Variants in ADSL observed in about 807,000 individuals in gnomAD.
The protein encoded by ADSL is adenylosuccinase.
ADSL carries 44 observed loss-of-function variants against 62.1 expected under a neutral mutation model. That is an observed-to-expected ratio of 0.71 (90% CI 0.56 to 0.91). ADSL has a LOEUF of 0.91. Among genes scored for constraint, ADSL ranks in the 40% least tolerant of loss-of-function variants. The probability of loss-of-function intolerance (pLI) is 0.00; values close to 1 mark genes in which losing one functional copy is unlikely to be tolerated. For missense variants in ADSL, 531 were observed against 627.4 expected (o/e 0.85, Z 1.64); for synonymous variants, 198 against 220.5 (o/e 0.90, Z 0.90).
At chr22:40,386,467 G>T (rs1306266905) in intron 2 of ADSL, among the ~76,000 whole-genome samples, 1 of 148,974 alleles carries the variant, frequency 6.7e-6, no homozygotes, top group Non-Finnish European at 1.5e-5. Flanking sequence ...CCAAGTTTTT[G>T]ATTCAGTTTC....
intron 2 of ADSL, among the ~76,000 whole-genome samples, chr22:40,386,008 T>A (rs1174361781): frequency 1.3e-5 from 2 of 151,188 alleles, no homozygotes; most frequent in Admixed American, 6.6e-5. Flanking sequence ...CACGCCACCA[T>A]GCCCGGCTAA....
chr22:40,353,379 G>T (rs1259107391), intron 3 of ADSL: 1 of 702,178 alleles, frequency 1.4e-6, no homozygotes, highest in Non-Finnish European at 2.6e-6. Flanking sequence ...TGCAACCTCC[G>T]CCTCCCAGGC....
intron 2 of ADSL, among the ~76,000 whole-genome samples, chr22:40,351,635 C>T (rs971294682): frequency 6.6e-6 from 1 of 152,058 alleles, no homozygotes; most frequent in African/African-American, 2.4e-5. Context: ...AGAGTATACC[C>T]ATGGAGGTTG....
At chr22:40,355,134 T>G (rs2044503654) in intron 4 of ADSL, among the ~76,000 whole-genome samples, 1 of 152,162 alleles carries the variant, frequency 6.6e-6, no homozygotes, top group Non-Finnish European at 1.5e-5. Context: ...TTTCTACTTT[T>G]TGAGTTTTGT....
chr22:40,370,163 A>G (rs1386262852), downstream of ADSL, among the ~76,000 whole-genome samples: 2 of 152,024 alleles, frequency 1.3e-5, no homozygotes, highest in African/African-American at 4.8e-5. Flanking sequence ...AACATGGTGA[A>G]ACCCCGTCTC....
At chr22:40,361,732 CCTT>C (rs1413084494) in intron 9 of ADSL, 97 bp downstream of exon 9, 2 of 1,497,236 alleles carry the variant, frequency 1.3e-6, no homozygotes, top group East Asian at 4.6e-5. Flanking sequence ...TCTACAGTCT[CCTT>C]ATCCCCAAGG....
chr22:40,385,866 T>A (rs2048329861), intron 2 of ADSL, among the ~76,000 whole-genome samples: 1 of 152,086 alleles, frequency 6.6e-6, no homozygotes, highest in Non-Finnish European at 1.5e-5. Context: ...TTTTTTTTTC[T>A]TGAAGACCGG....
In ADSL at chr22:40,346,705, C is replaced by T. The variant is rs761172321; in HGVS notation, c.147C>T (p.Ala49=). The change falls in exon 1 of 13, where the codon GCC becomes GCT. Residue 49 remains alanine (A), a synonymous_variant. Transcript: ENST00000623063. ...WRQLWLWLAE[A]EQTLGLPITD... Reference sequence around the variant, plus strand: ...AGCTGTGGCTGTGGCTGGCGGAGGCCGAGCAGGTAACGGATCCCGGGCTGA... The same window carrying T: ...AGCTGTGGCTGTGGCTGGCGGAGGCTGAGCAGGTAACGGATCCCGGGCTGA... 4 of 1,604,704 alleles carry T rather than the reference C, an allele frequency of 2.5e-6. No homozygotes were observed. Among genetic ancestry groups the T allele is most frequent in the Non-Finnish European group, 3.4e-6 (4 of 1,177,854 alleles).
chr22:40,354,217 A>G (rs772411913), intron 3 of ADSL, 31 bp from the exon 4 acceptor site: 68 of 1,596,074 alleles, frequency 4.3e-5, no homozygotes, highest in South Asian at 8.8e-5. Context: ...CCTGAATTCA[A>G]CCTCTTTCTA....
chr22:40,366,382 A>G, intron 12 of ADSL, 54 bp from the exon 13 acceptor site: 1 of 1,309,032 alleles, frequency 7.6e-7, no homozygotes, highest in Admixed American at 1.7e-5. Context: ...AAAAGGTATT[A>G]TCTGCTAATA....
At chr22:40,349,791 T>G (rs1479308438) in intron 1 of ADSL, 41 bp from the exon 2 acceptor site, 1 of 1,564,850 alleles carries the variant, frequency 6.4e-7, no homozygotes, top group African/African-American at 1.4e-5. Flanking sequence ...CAAATAACTG[T>G]GACACTGAGA....
downstream of ADSL, among the ~76,000 whole-genome samples, chr22:40,373,997 T>C (rs1413331613): frequency 6.6e-6 from 1 of 150,464 alleles, no homozygotes; most frequent in African/African-American, 2.5e-5. Context: ...CGCCCAGGCT[T>C]GAGTGCAGTG....
chr22:40,351,172 ATT>A (rs1291583819), intron 2 of ADSL, among the ~76,000 whole-genome samples: 2 of 143,722 alleles, frequency 1.4e-5, no homozygotes, highest in Admixed American at 7.0e-5. Flanking sequence ...TTAAAAAAAA[ATT>A]TTTTTTTTTT....
intron 12 of ADSL, 106 bp downstream of exon 12, chr22:40,365,162 A>C (rs867236453): frequency 2.4e-6 from 3 of 1,235,460 alleles, no homozygotes; most frequent in African/African-American, 1.5e-5. Context: ...TAGTTAGAAG[A>C]AAATCAGAGC....
chr22:40,363,950 G>A (rs559972489), intron 10 of ADSL, among the ~76,000 whole-genome samples: 21 of 152,042 alleles, frequency 1.4e-4, no homozygotes, highest in African/African-American at 3.6e-4. Context: ...GGTGGCGGGC[G>A]CCTGTAGTCC....
At chr22:40,383,406 G>A (rs150863873) in intron 2 of ADSL, among the ~76,000 whole-genome samples, 1 of 150,858 alleles carries the variant, frequency 6.6e-6, no homozygotes, top group Non-Finnish European at 1.5e-5. Context: ...GGTGGAGCTC[G>A]CAGTGAGCCG....
At chr22:40,375,451 G>A (rs1247362399) in intron 2 of ADSL, among the ~76,000 whole-genome samples, 3 of 151,978 alleles carry the variant, frequency 2.0e-5, no homozygotes, top group African/African-American at 7.2e-5. Flanking sequence ...GTGGTGGCAG[G>A]CGCCTGTAAT....
At position 40,353,158 on chromosome 22, in the gene ADSL, C is replaced by T. The variant is rs370503526; in HGVS notation, c.402+41C>T. On this transcript the variant is annotated intron_variant, in intron 3 of 12. Transcript: ENST00000623063. ...ATGTTTCCTACCAACCCTAGATTCC[C>T]TATGTTAGGAGATAGGCACCAGTTA... is the stretch of plus-strand genomic sequence containing the variant. 4.5e-6 allele frequency: 7 copies of T among 1,545,996 alleles called. No homozygotes were observed. The African/African-American group carries it at 6.8e-5, about 15-fold the overall frequency.
At chr22:40,383,726 T>G (rs2047960405) in intron 2 of ADSL, among the ~76,000 whole-genome samples, 1 of 152,056 alleles carries the variant, frequency 6.6e-6, no homozygotes. Context: ...AAAAAGAGAT[T>G]GGGGTCTATG....
Sources: allele counts gnomAD v4.1 joint callset (sites outside exome capture counted in the v4.1 genomes callset), GRCh38; gene constraint gnomAD v4.1.1; transcripts MANE v1.5; gene names NCBI Gene and HGNC (gene_info 2026-07-23, HGNC 2026-07-21).